Variants in SLC9A2 observed in about 807,000 individuals in gnomAD.
The protein encoded by SLC9A2 is sodium/hydrogen exchanger 2.
SLC9A2 carries 42 observed loss-of-function variants against 71.7 expected under a neutral mutation model. The observed-to-expected ratio is 0.59, with a 90% confidence interval of 0.46 to 0.76. The LOEUF (loss-of-function observed/expected upper bound fraction) is 0.76. Ranked by LOEUF, SLC9A2 falls within the 30% of genes least tolerant of loss-of-function variation. The pLI is 0.00. For synonymous variants in SLC9A2, 396 were observed against 392.5 expected, an observed-to-expected ratio of 1.01 and a Z score of -0.10; for missense variants, 829 against 1,017.4, an observed-to-expected ratio of 0.81 and a Z score of 2.52.
intron 5 of SLC9A2, among the ~76,000 whole-genome samples, chr2:102,686,144 T>C (rs1677541825): frequency 6.6e-6 from 1 of 152,244 alleles, no homozygotes; most frequent in Non-Finnish European, 1.5e-5. Flanking sequence ...CTGAGCATCT[T>C]ACATGTTAAT....
intron 1 of SLC9A2, among the ~76,000 whole-genome samples, chr2:102,632,147 CATATATACACATATATACACAT>C (rs1676384181): frequency 4.6e-5 from 2 of 43,296 alleles, no homozygotes; most frequent in African/African-American, 1.5e-4. Context: ...TGTATATATA[CATATATACACATATATACACAT>C]ATATATACAT....
Position 102,657,847 on chromosome 2 carries a change from C to T in SLC9A2, c.573C>T (p.Ile191=). 6.2e-7 allele frequency: 1 copy of T among 1,614,240 alleles called. No individual in the cohort carries two copies. Among genetic ancestry groups the T allele is most frequent in the African/African-American group, 1.3e-5 (1 of 75,056 alleles). ...GCATTGGGGTGTCTTTGTTTGGTAT[C>T]TGCCAGATCGAAGCATTCGGCCTCA... ...SIGIGVSLFG[I]CQIEAFGLSD... The change falls in exon 2 of 12, where the codon ATC becomes ATT. Residue 191 remains isoleucine, a synonymous_variant. Coordinates refer to ENST00000233969, the MANE Select transcript of SLC9A2 (RefSeq NM_003048.6).
chr2:102,665,428 T>G (rs1374931700), intron 3 of SLC9A2, 78 bp downstream of exon 3: 1 of 1,392,956 alleles, frequency 7.2e-7, no homozygotes, highest in Non-Finnish European at 9.8e-7. Flanking sequence ...ATATTAAAGT[T>G]GAATAAGTTA....
intron 1 of SLC9A2, among the ~76,000 whole-genome samples, chr2:102,638,132 A>G (rs1676505958): frequency 6.6e-6 from 1 of 152,348 alleles, no homozygotes; most frequent in South Asian, 2.1e-4. Flanking sequence ...TAGGCCCAAC[A>G]AAATAGGCGT....
At chr2:102,650,009 C>A (rs938641049) in intron 1 of SLC9A2, among the ~76,000 whole-genome samples, 1 of 152,200 alleles carries the variant, frequency 6.6e-6, no homozygotes, top group Non-Finnish European at 1.5e-5. Flanking sequence ...TATAAAGACA[C>A]ATGCACACGT....
intron 1 of SLC9A2, among the ~76,000 whole-genome samples, chr2:102,624,100 A>G (rs996495753): frequency 1.3e-5 from 2 of 152,154 alleles, no homozygotes; most frequent in African/African-American, 4.8e-5. Flanking sequence ...TAATTATAAC[A>G]TTTACCAAAA....
intron 1 of SLC9A2, among the ~76,000 whole-genome samples, chr2:102,624,720 C>A (rs1676211720): frequency 6.6e-6 from 1 of 152,090 alleles, no homozygotes; most frequent in East Asian, 1.9e-4. Flanking sequence ...TTTCTCTGCC[C>A]CTAAGTTGGA....
intron 1 of SLC9A2, among the ~76,000 whole-genome samples, chr2:102,638,614 A>C (rs1406923010): frequency 6.6e-6 from 1 of 152,230 alleles, no homozygotes; most frequent in Non-Finnish European, 1.5e-5. Context: ...GTCTTGAATG[A>C]AAGTGTTCCT....
chr2:102,694,460 C>A lies in SLC9A2; in HGVS notation c.1472C>A (p.Ser491Tyr). 1.3e-6 allele frequency: 2 copies of A among 1,542,624 alleles called. No homozygotes were observed. Among genetic ancestry groups the A allele is most frequent in the Non-Finnish European group, 8.8e-7 (1 of 1,134,484 alleles). ...PLVEFLDVKR[S>Y]NKKQQAVSEE... ...GTGGAGTTTCTTGATGTCAAGAGGT[C>A]CAATAAGAAACAACAAGCTGTCAGT... The change falls in exon 6 of 12, where the codon TCC becomes TAC. Residue 491 changes from serine to tyrosine, a missense_variant. By Grantham distance (144) the Ser-to-Tyr change is moderately radical. Coordinates refer to ENST00000233969, the MANE Select transcript of SLC9A2 (RefSeq NM_003048.6).
rs767558140 is a variant in SLC9A2, at chr2:102,665,124, T to C, written c.778T>C (p.Phe260Leu). ...GGTCCTGTACAACTTGTTCAAGTCG[T>C]TTTGCCAGATGAAAACCATTGAGAC... ...TVVLYNLFKS[F>L]CQMKTIETID... The change falls in exon 3 of 12, where the codon TTT becomes CTT. Residue 260 changes from phenylalanine to leucine, a missense_variant. This residue lies in a region of SLC9A2 where 500 missense variants were observed against 726.3 expected (regional missense o/e 0.69). Coordinates refer to ENST00000233969, the MANE Select transcript of SLC9A2 (RefSeq NM_003048.6). 6 of 1,614,024 alleles carry C rather than the reference T, an allele frequency of 3.7e-6. No homozygotes were observed. The highest frequency in any genetic ancestry group is 5.1e-6 in the Non-Finnish European group (6 of 1,179,984).
At chr2:102,696,369 C>T (rs759922080) in intron 7 of SLC9A2, among the ~76,000 whole-genome samples, 10 of 152,076 alleles carry the variant, frequency 6.6e-5, no homozygotes, top group Non-Finnish European at 1.5e-4. Context: ...TTTATTTTTC[C>T]TAACTTGCTA....
chr2:102,645,958 C>T (rs1329096883), intron 1 of SLC9A2, among the ~76,000 whole-genome samples: 1 of 152,092 alleles, frequency 6.6e-6, no homozygotes, highest in African/African-American at 2.4e-5. Context: ...GAGAACACAA[C>T]TAAGATACTC....
intron 1 of SLC9A2, among the ~76,000 whole-genome samples, chr2:102,625,726 G>A (rs1676234603): frequency 6.6e-6 from 1 of 152,096 alleles, no homozygotes. Context: ...ATCATTGTTG[G>A]ACATTTGGGT....
At chr2:102,685,986 G>A (rs1267348932) in intron 5 of SLC9A2, among the ~76,000 whole-genome samples, 2 of 152,240 alleles carry the variant, frequency 1.3e-5, no homozygotes, top group African/African-American at 2.4e-5. Context: ...TTAAGATATC[G>A]TGGGAAGAAG....
At position 102,708,478 on chromosome 2, in the gene SLC9A2, G is replaced by A. The variant is rs144642954; in HGVS notation, c.2428G>A (p.Glu810Lys). ...AAGCCGGAAAGCCCGATTTGGGAGT[G>A]AGAAGCCTTAAGAGAAGCAGCGAAA... ...PGSRKARFGS[E>K]KP is the part of the protein sequence containing the mutation. Residue 810 changes from glutamate to lysine, a missense_variant, in exon 12 of 12, where the codon GAG becomes AAG. Coordinates refer to ENST00000233969, the MANE Select transcript of SLC9A2 (RefSeq NM_003048.6). 3.1e-6 allele frequency: 5 copies of A among 1,613,914 alleles called. No individual in the cohort carries two copies. The highest frequency in any genetic ancestry group is 4.2e-6 in the Non-Finnish European group (5 of 1,179,872).
At chr2:102,702,052 A>T (rs1322416415) in intron 8 of SLC9A2, among the ~76,000 whole-genome samples, 4 of 152,218 alleles carry the variant, frequency 2.6e-5, no homozygotes, top group Non-Finnish European at 5.9e-5. Context: ...ACTTAATGGT[A>T]AATTGAAGTC....
At position 102,635,895 on chromosome 2, in the gene SLC9A2, T is replaced by A. The variant is rs1573400062; in HGVS notation, c.289+15758T>A. Among the ~76,000 whole-genome samples the A allele has an allele frequency of 5.3e-5, 8 of 152,216 alleles. No homozygotes were observed. The South Asian group carries it at 1.7e-3, about 32-fold the overall frequency. The stretch of plus-strand genomic sequence containing the variant: ...CCATCTGCATAATTTTTTCTTTTTT[T>A]TTTTTTGATCTTTTTCTTTTTATTT... On this transcript the variant is annotated intron_variant, in intron 1 of 11. Coordinates refer to ENST00000233969, the MANE Select transcript of SLC9A2 (RefSeq NM_003048.6).
intron 3 of SLC9A2, among the ~76,000 whole-genome samples, chr2:102,669,605 G>A (rs1009063610): frequency 5.9e-5 from 9 of 152,298 alleles, no homozygotes; most frequent in African/African-American, 2.2e-4. Context: ...GGCATGAGAG[G>A]TGACTAATAG....
At chr2:102,644,615 C>T (rs1260817240) in intron 1 of SLC9A2, among the ~76,000 whole-genome samples, 1 of 152,106 alleles carries the variant, frequency 6.6e-6, no homozygotes, top group African/African-American at 2.4e-5. Flanking sequence ...CTGGGATACT[C>T]GAGCTTGGTG....
Sources: gnomAD v4.1 joint callset for allele counts (sites outside exome capture counted in the v4.1 genomes callset) on GRCh38, gnomAD v4.1.1 for gene constraint, gnomAD v4.1.1 regional missense constraint, MANE v1.5 for transcripts, NCBI Gene and HGNC (gene_info 2026-07-23, HGNC 2026-07-21) for gene names.